ZNF638: variants seen among roughly 807,000 people sequenced by gnomAD.
ZNF638 encodes CTCL tumor antigen se33-1.
ZNF638 carries 46 observed loss-of-function variants against 195.6 expected under a neutral mutation model. The observed-to-expected ratio is 0.24, with a 90% confidence interval of 0.19 to 0.30. The LOEUF (loss-of-function observed/expected upper bound fraction) is 0.30, where lower values mean the gene tolerates loss of function less well. Ranked by LOEUF, ZNF638 falls within the 10% of genes least tolerant of loss-of-function variation. The pLI is 1.00. For missense variants in ZNF638, 2,440 were observed against 2,325.3 expected, an observed-to-expected ratio of 1.05 and a Z score of -1.01; for synonymous variants, 845 against 772.0, an observed-to-expected ratio of 1.09 and a Z score of -1.57.
intron 1 of ZNF638, among the ~76,000 whole-genome samples, chr2:71,345,713 C>T (rs2078839842): frequency 6.6e-6 from 1 of 152,090 alleles, no homozygotes; most frequent in Non-Finnish European, 1.5e-5. Context: ...TCATGTTGCC[C>T]AGGCTGGTCT....
In ZNF638 at chr2:71,368,414, G is replaced by A; in HGVS notation, c.2028G>A (p.Ser676=). The part of the protein sequence containing the change: ...LRKEQSLHYG[S]VLLITELPED... Reference sequence around the variant, plus strand: ...AAGAACAGTCATTGCATTATGGTTCGGTTCTTCTTATAACTGAATTACCAG... The same window carrying A: ...AAGAACAGTCATTGCATTATGGTTCAGTTCTTCTTATAACTGAATTACCAG... Residue 676 remains serine, a synonymous_variant, in exon 7 of 28, where the codon TCG becomes TCA. Transcript: ENST00000264447. 1.9e-6 allele frequency: 3 copies of A among 1,612,702 alleles called. No homozygotes were observed. Among genetic ancestry groups the A allele is most frequent in the East Asian group, 2.2e-5 (1 of 44,720 alleles).
intron 3 of ZNF638, among the ~76,000 whole-genome samples, chr2:71,361,397 T>C (rs13033139): frequency 0.15 from 22,183 of 152,236 alleles, 1,805 homozygotes; most frequent in African/African-American, 0.19. Context: ...TTACACATTC[T>C]AAGTAACTGG....
chr2:71,424,739 A>G, intron 23 of ZNF638, 24 bp downstream of exon 23: 1 of 1,584,444 alleles, frequency 6.3e-7, no homozygotes. Context: ...CACAGACCCT[A>G]ACCCTTCTTT....
chr2:71,406,578 T>C (rs2152580967), intron 19 of ZNF638, among the ~76,000 whole-genome samples: 1 of 152,340 alleles, frequency 6.6e-6, no homozygotes, highest in South Asian at 2.1e-4. Context: ...ACTATCTTTG[T>C]GGTCTTGGCT....
intron 21 of ZNF638, among the ~76,000 whole-genome samples, chr2:71,419,824 A>G (rs1573158037): frequency 6.6e-6 from 1 of 152,254 alleles, no homozygotes; most frequent in South Asian, 2.1e-4. Flanking sequence ...CTCCATAGCA[A>G]TAGCAGTTGG....
chr2:71,408,074 T>A (rs1402959233), intron 19 of ZNF638, 48 bp from the exon 20 acceptor site: 8 of 1,569,360 alleles, frequency 5.1e-6, no homozygotes, highest in Non-Finnish European at 6.9e-6. Context: ...TTATTCTAAT[T>A]CCAATTTTTT....
intron 20 of ZNF638, among the ~76,000 whole-genome samples, chr2:71,409,526 AG>A (rs2080169797): frequency 6.6e-6 from 1 of 152,182 alleles, no homozygotes; most frequent in Non-Finnish European, 1.5e-5. Flanking sequence ...TTTATAAAGA[AG>A]GCAATATGTG....
intron 16 of ZNF638, among the ~76,000 whole-genome samples, chr2:71,402,713 T>C (rs1246052959): frequency 1.3e-5 from 2 of 152,184 alleles, no homozygotes; most frequent in Non-Finnish European, 2.9e-5. Context: ...CACATTAAAA[T>C]GTATGTTAAT....
chr2:71,425,242 T>C (rs2080514732), intron 23 of ZNF638, among the ~76,000 whole-genome samples: 1 of 152,204 alleles, frequency 6.6e-6, no homozygotes. Flanking sequence ...CATTTTACTT[T>C]TCTTACCTGG....
At chr2:71,407,778 C>T (rs959858616) in intron 19 of ZNF638, 41 of 160,930 alleles carry the variant, frequency 2.5e-4, no homozygotes, top group Non-Finnish European at 3.5e-4. Context: ...ATTATATTTG[C>T]TTTTTTGTGA....
In ZNF638 at chr2:71,349,691, A is replaced by G. The variant is rs748688811; in HGVS notation, c.737A>G (p.Gln246Arg). The stretch of plus-strand genomic sequence containing the variant: ...GTCGAGAATGAATTTCAGTCACAGC[A>G]GAACATTTCTGCATCTGTTCCCAAT... ...DEVENEFQSQ[Q>R]NISASVPNPN... Residue 246 changes from glutamine (Q) to arginine (R), a missense_variant, in exon 2 of 28, where the codon CAG becomes CGG. Transcript: ENST00000264447. 5.1e-5 allele frequency: 82 copies of G among 1,614,112 alleles called. No individual in the cohort carries two copies. Among genetic ancestry groups the G allele is most frequent in the Non-Finnish European group, 6.5e-5 (77 of 1,180,042 alleles).
chr2:71,349,253 A>G lies in ZNF638; in HGVS notation c.299A>G (p.His100Arg). 1 of 1,614,146 alleles carries G rather than the reference A, an allele frequency of 6.2e-7. No homozygotes were observed. Among genetic ancestry groups the G allele is most frequent in the Middle Eastern group, 1.6e-4 (1 of 6,062 alleles). The stretch of plus-strand genomic sequence containing the variant: ...GCACAACAGAAGAAGGGGAAGCCTC[A>G]TGGTAGCCGGTGGGATGATGAGCCT... ...HEAQQKKGKPHGSRWDDEPHI... is the reference protein window; with the variant it reads ...HEAQQKKGKPRGSRWDDEPHI... The change falls in exon 2 of 28, where the codon CAT becomes CGT. Residue 100 changes from histidine to arginine, a missense_variant. Coordinates refer to ENST00000264447, the MANE Select transcript of ZNF638 (RefSeq NM_014497.5).
intron 1 of ZNF638, among the ~76,000 whole-genome samples, chr2:71,347,707 T>C (rs2078873703): frequency 6.6e-6 from 1 of 152,212 alleles, no homozygotes; most frequent in South Asian, 2.1e-4. Context: ...GTAGCTAAAG[T>C]ACTGTTTTCT....
Position 71,426,745 on chromosome 2 carries a change from G to A in ZNF638, c.4876G>A (p.Asp1626Asn). 6.2e-7 allele frequency: 1 copy of A among 1,613,946 alleles called. No homozygotes were observed. The change falls in exon 24 of 28, where the codon GAT becomes AAT. Residue 1626 changes from aspartate (D) to asparagine (N), a missense_variant. This residue lies in a region of ZNF638 where 1,883 missense variants were observed against 1,739.1 expected (regional missense o/e 1.08). Transcript: ENST00000264447. The part of the protein sequence containing the change: ...QALVTVDEVI[D>N]EEELNMEEMV... ...TCTAGTCACTGTGGATGAAGTAATTGATGAAGAAGAACTAAATATGGAAGA... is the reference window on the plus strand; with the variant it reads ...TCTAGTCACTGTGGATGAAGTAATTAATGAAGAAGAACTAAATATGGAAGA...
chr2:71,392,353 AT>A (rs1427681674), intron 10 of ZNF638, among the ~76,000 whole-genome samples: 1 of 152,180 alleles, frequency 6.6e-6, no homozygotes, highest in African/African-American at 2.4e-5. Flanking sequence ...AAACCACATA[AT>A]TCCCTCACTC....
chr2:71,389,262 G>T (rs1439678943), intron 10 of ZNF638, among the ~76,000 whole-genome samples: 1 of 152,188 alleles, frequency 6.6e-6, no homozygotes, highest in Non-Finnish European at 1.5e-5. Context: ...TAGGCAAGTG[G>T]CATTAGAAGG....
At chr2:71,430,438 A>G (rs1349240196) in intron 25 of ZNF638, among the ~76,000 whole-genome samples, 1 of 152,170 alleles carries the variant, frequency 6.6e-6, no homozygotes, top group Non-Finnish European at 1.5e-5. Context: ...AGAGTAAGTA[A>G]TGATTTCAGA....
At chr2:71,366,102 C>T (rs1189432796) in intron 6 of ZNF638, among the ~76,000 whole-genome samples, 1 of 152,196 alleles carries the variant, frequency 6.6e-6, no homozygotes, top group African/African-American at 2.4e-5. Context: ...TGAATCCCAG[C>T]ACTTTGGGAG....
intron 10 of ZNF638, among the ~76,000 whole-genome samples, chr2:71,389,862 T>C (rs2079734306): frequency 6.6e-6 from 1 of 152,166 alleles, no homozygotes; most frequent in African/African-American, 2.4e-5. Context: ...TAACGTCGAC[T>C]GCCAACAAGC....
Sources: allele counts gnomAD v4.1 joint callset (sites outside exome capture counted in the v4.1 genomes callset), GRCh38; gene constraint gnomAD v4.1.1; regional missense constraint gnomAD v4.1.1; transcripts MANE v1.5; gene names NCBI Gene and HGNC (gene_info 2026-07-23, HGNC 2026-07-21).